SYNGR1: variants seen among roughly 807,000 people sequenced by gnomAD.
SYNGR1 encodes synaptogyrin-1.
Under a neutral mutation model 26.1 loss-of-function variants are expected in SYNGR1, and 14 were observed. That is an observed-to-expected ratio of 0.54 (90% CI 0.35 to 0.84). The LOEUF (loss-of-function observed/expected upper bound fraction) is 0.84. Ranked by LOEUF, SYNGR1 falls within the 40% of genes least tolerant of loss-of-function variation. The pLI, the probability that SYNGR1 is intolerant of heterozygous loss-of-function variation, is 0.01. For synonymous variants in SYNGR1, 141 were observed against 150.1 expected, an observed-to-expected ratio of 0.94 and a Z score of 0.44; for missense variants, 319 against 332.9, an observed-to-expected ratio of 0.96 and a Z score of 0.33.
chr22:39,361,005 C>T (rs531211002), intron 1 of SYNGR1, among the ~76,000 whole-genome samples: 14 of 152,180 alleles, frequency 9.2e-5, no homozygotes, highest in Middle Eastern at 3.2e-3. Flanking sequence ...ACTGATCGGT[C>T]GTCCTTCTAG....
rs1028690370 is a variant in SYNGR1, at chr22:39,384,352, G to A, written c.*2438G>A. On this transcript the variant is annotated 3_prime_UTR_variant, in exon 4 of 4. Transcript: ENST00000328933. ...CAGGCCCTGCCTGCCACCCTAGGCA[G>A]GGAAAGCTGTCAAGACTCCTGCCAG... The A allele has an allele frequency of 5.0e-6, 2 of 396,732 alleles. No individual in the cohort carries two copies. The highest frequency in any genetic ancestry group is 4.1e-5 in the African/African-American group (2 of 48,594). The allele number at this position is 396,732 out of a possible 1,614,324, so 24.6% of individuals were successfully genotyped here. A position where few individuals can be genotyped will look rare whatever the true frequency, so the allele number is the denominator to read the frequency against.
intron 1 of SYNGR1, among the ~76,000 whole-genome samples, chr22:39,353,312 G>A (rs1276474937): frequency 2.0e-5 from 3 of 152,150 alleles, no homozygotes; most frequent in African/African-American, 7.2e-5. Context: ...GGGTCAGCCT[G>A]CACAGAAGCA....
chr22:39,378,801 G>A lies in SYNGR1; in HGVS notation c.483+2604G>A, dbSNP rs1435693455. 2.0e-5 allele frequency among the ~76,000 whole-genome samples: 3 copies of A among 152,316 alleles called. No homozygotes were observed. In the East Asian group the frequency reaches 5.8e-4, roughly 29 times the overall value. Reference sequence around the variant, plus strand: ...TCAGTAGAACTCCCATCCTCCCTCTGCAGCCCAGGCCAGCGGGGGCCCAGG... The same window carrying A: ...TCAGTAGAACTCCCATCCTCCCTCTACAGCCCAGGCCAGCGGGGGCCCAGG... On this transcript the variant is annotated intron_variant, in intron 3 of 3. Transcript: ENST00000328933.
intron 1 of SYNGR1, among the ~76,000 whole-genome samples, chr22:39,372,540 C>T (rs1049448104): frequency 3.3e-5 from 5 of 149,840 alleles, no homozygotes; most frequent in Admixed American, 3.3e-4. Flanking sequence ...AACCTCCGCC[C>T]AGGCCCAGCA....
At chr22:39,379,802 G>C (rs1023417235) in intron 3 of SYNGR1, 2 of 152,294 alleles carry the variant, frequency 1.3e-5, no homozygotes, top group Non-Finnish European at 2.9e-5. Flanking sequence ...GGAGGTGAGG[G>C]CGCCCTGACC....
At chr22:39,360,745 G>C (rs1007205005) in intron 1 of SYNGR1, among the ~76,000 whole-genome samples, 1 of 152,186 alleles carries the variant, frequency 6.6e-6, no homozygotes, top group African/African-American at 2.4e-5. Context: ...CAGACCCCTA[G>C]AGAGGGACAG....
Position 39,381,881 on chromosome 22 carries a change from C to A in SYNGR1, c.669C>A (p.Thr223=). 6.2e-7 allele frequency: 1 copy of A among 1,612,724 alleles called. No individual in the cohort carries two copies. The highest frequency in any genetic ancestry group is 8.5e-7 in the Non-Finnish European group (1 of 1,179,796). Residue 223 remains threonine (T), a synonymous_variant, in exon 4 of 4, where the codon ACC becomes ACA. Coordinates refer to ENST00000328933, the MANE Select transcript of SYNGR1 (RefSeq NM_004711.5). ...TYQQPANTFD[T]EPQGYQSQGY Reference sequence around the variant, plus strand: ...AGCAGCCGGCCAACACCTTCGACACCGAGCCCCAGGGCTACCAGTCGCAGG... The same window carrying A: ...AGCAGCCGGCCAACACCTTCGACACAGAGCCCCAGGGCTACCAGTCGCAGG...
At chr22:39,351,952 A>G (rs1163742952) in intron 1 of SYNGR1, among the ~76,000 whole-genome samples, 2 of 152,356 alleles carry the variant, frequency 1.3e-5, no homozygotes, top group African/African-American at 4.8e-5. Flanking sequence ...CGTGGAAAGC[A>G]GGAGGAAGGA....
intron 1 of SYNGR1, among the ~76,000 whole-genome samples, chr22:39,360,386 G>C (rs1164307398): frequency 2.0e-5 from 3 of 152,038 alleles, no homozygotes; most frequent in African/African-American, 7.2e-5. Flanking sequence ...TTTCTTCTGC[G>C]GTCTCCCACA....
chr22:39,359,854 A>G (rs1924384119), intron 1 of SYNGR1, among the ~76,000 whole-genome samples: 1 of 151,062 alleles, frequency 6.6e-6, no homozygotes, highest in African/African-American at 2.4e-5. Context: ...AGCCTCTCGC[A>G]CTCCCTGATC....
intron 1 of SYNGR1, chr22:39,364,117 C>A: frequency 2.5e-6 from 4 of 1,607,802 alleles, no homozygotes; most frequent in Admixed American, 3.3e-5. Context: ...ATACCATCTC[C>A]CCTCAAGTAA....
intron 1 of SYNGR1, among the ~76,000 whole-genome samples, chr22:39,353,469 G>A (rs1293549024): frequency 6.6e-6 from 1 of 152,228 alleles, no homozygotes; most frequent in Non-Finnish European, 1.5e-5. Flanking sequence ...CGAGGCGTGG[G>A]CCACTGCATC....
At chr22:39,357,899 T>C (rs751779270) in intron 1 of SYNGR1, among the ~76,000 whole-genome samples, 39 of 152,368 alleles carry the variant, frequency 2.6e-4, no homozygotes, top group Non-Finnish European at 4.7e-4. Flanking sequence ...CATGGGCTCC[T>C]GTGCGGCCCG....
chr22:39,354,684 C>A (rs1462046361), intron 1 of SYNGR1, among the ~76,000 whole-genome samples: 2 of 152,152 alleles, frequency 1.3e-5, no homozygotes, highest in South Asian at 4.1e-4. Flanking sequence ...TACTAAAATA[C>A]AAAAATTAGC....
At chr22:39,359,133 C>T (rs1269768174) in intron 1 of SYNGR1, among the ~76,000 whole-genome samples, 1 of 152,224 alleles carries the variant, frequency 6.6e-6, no homozygotes, top group Non-Finnish European at 1.5e-5. Flanking sequence ...ACCTTGCTTC[C>T]TGCAGCCTGT....
At chr22:39,364,168 G>A (rs1342664035) in intron 1 of SYNGR1, 5 of 1,611,992 alleles carry the variant, frequency 3.1e-6, no homozygotes, top group Non-Finnish European at 4.2e-6. Context: ...CACGGCTCAG[G>A]ACCAGCAGGC....
intron 1 of SYNGR1, among the ~76,000 whole-genome samples, chr22:39,363,076 C>T (rs962113486): frequency 7.2e-5 from 11 of 152,164 alleles, no homozygotes; most frequent in Admixed American, 3.3e-4. Context: ...TGTTGAGGAG[C>T]CAGCTGAAGG....
chr22:39,368,812 G>A (rs1013331280), intron 1 of SYNGR1, among the ~76,000 whole-genome samples: 6 of 152,220 alleles, frequency 3.9e-5, no homozygotes, highest in African/African-American at 9.6e-5. Flanking sequence ...TCCAGCCCCC[G>A]GAAGCATGTG....
intron 1 of SYNGR1, among the ~76,000 whole-genome samples, chr22:39,351,011 A>G (rs2145601852): frequency 6.6e-6 from 1 of 152,154 alleles, no homozygotes; most frequent in Non-Finnish European, 1.5e-5. Flanking sequence ...GGTCAGGGAG[A>G]GGATGGGTCA....
Sources: gnomAD v4.1 joint callset for allele counts (sites outside exome capture counted in the v4.1 genomes callset) on GRCh38, gnomAD v4.1.1 for gene constraint, MANE v1.5 for transcripts, NCBI Gene and HGNC (gene_info 2026-07-23, HGNC 2026-07-21) for gene names.